SH3BP5: variants seen among roughly 807,000 people sequenced by gnomAD.
The protein encoded by SH3BP5 is SH3 domain-binding protein 5.
SH3BP5 carries 22 observed loss-of-function variants against 43.3 expected under a neutral mutation model. That is an observed-to-expected ratio of 0.51 (90% CI 0.36 to 0.73). The LOEUF is 0.73. Ranked by LOEUF, SH3BP5 falls within the 30% of genes least tolerant of loss-of-function variation. The probability of loss-of-function intolerance (pLI) is 0.00; values close to 1 mark genes in which losing one functional copy is unlikely to be tolerated. For synonymous variants in SH3BP5, 255 were observed against 225.8 expected, an observed-to-expected ratio of 1.13 and a Z score of -1.16; for missense variants, 529 against 586.9, an observed-to-expected ratio of 0.90 and a Z score of 1.02.
chr3:15,333,351 A>G, upstream of SH3BP5: 1 of 791,472 alleles, frequency 1.3e-6, no homozygotes, highest in Non-Finnish European at 1.5e-6. Context: ...TTGGCAAAGC[A>G]GATGAGCACA....
At position 15,288,115 on chromosome 3, in the gene SH3BP5, G is replaced by A. The variant is rs545500498; in HGVS notation, c.330+15988C>T. On this transcript the variant is annotated intron_variant, in intron 3 of 8. Transcript: ENST00000383791. ...ACATTGCAGTTCAAGACCAAAGGCC[G>A]TCTGCTGCAGAATTCCCTCTTGCTC... Among the ~76,000 whole-genome samples, 9 of 152,282 alleles carry A rather than the reference G, an allele frequency of 5.9e-5. No homozygotes were observed. In the South Asian group the frequency reaches 1.0e-3, roughly 18 times the overall value.
intron 3 of SH3BP5, among the ~76,000 whole-genome samples, chr3:15,271,183 G>A (rs1696787591): frequency 6.6e-6 from 1 of 151,982 alleles, no homozygotes; most frequent in Non-Finnish European, 1.5e-5. Flanking sequence ...TTCAAGACCA[G>A]CCTGGGAAAC....
At chr3:15,322,330 C>G (rs141320681) in intron 2 of SH3BP5, among the ~76,000 whole-genome samples, 3 of 152,158 alleles carry the variant, frequency 2.0e-5, no homozygotes, top group African/African-American at 7.2e-5. Context: ...TTTTCCCCCA[C>G]TAAGTAGACC....
upstream of SH3BP5, among the ~76,000 whole-genome samples, chr3:15,334,253 A>G (rs1247991540): frequency 6.6e-6 from 1 of 152,204 alleles, no homozygotes; most frequent in Admixed American, 6.5e-5. Flanking sequence ...GATCTGGGCC[A>G]GCTATAGTGT....
intron 2 of SH3BP5, among the ~76,000 whole-genome samples, chr3:15,316,219 C>CTTTTTTTTTTT (rs577644493): frequency 2.4e-5 from 2 of 81,686 alleles, no homozygotes; most frequent in African/African-American, 5.2e-5. Flanking sequence ...AAAAGACTCG[C>CTTTTTTTTTTT]TTTTTTTTTT....
intron 2 of SH3BP5, among the ~76,000 whole-genome samples, chr3:15,329,730 C>T (rs751281980): frequency 1.3e-5 from 2 of 152,222 alleles, no homozygotes; most frequent in Admixed American, 6.5e-5. Flanking sequence ...TGGGAAACTG[C>T]GCTGAGAGTC....
At chr3:15,315,542 T>C (rs1698164250) in intron 2 of SH3BP5, among the ~76,000 whole-genome samples, 2 of 151,426 alleles carry the variant, frequency 1.3e-5, no homozygotes, top group African/African-American at 4.9e-5. Context: ...AATATAAGGG[T>C]CATCATGGTT....
chr3:15,316,918 C>T (rs1421050396), intron 2 of SH3BP5, among the ~76,000 whole-genome samples: 1 of 152,198 alleles, frequency 6.6e-6, no homozygotes, highest in Non-Finnish European at 1.5e-5. Context: ...GACTGGGGGA[C>T]CCAGTGCTTT....
intron 3 of SH3BP5, among the ~76,000 whole-genome samples, chr3:15,279,684 T>C (rs974464748): frequency 5.3e-5 from 8 of 152,126 alleles, no homozygotes; most frequent in African/African-American, 1.9e-4. Context: ...CTATTTTGCA[T>C]ATATTTGAAA....
chr3:15,295,846 C>G (rs147401742), intron 3 of SH3BP5, among the ~76,000 whole-genome samples: 1 of 152,318 alleles, frequency 6.6e-6, no homozygotes, highest in Non-Finnish European at 1.5e-5. Context: ...ACAGCATCAT[C>G]ATGAGGCTAA....
intron 2 of SH3BP5, among the ~76,000 whole-genome samples, chr3:15,314,261 C>T (rs572796241): frequency 5.9e-5 from 9 of 151,904 alleles, no homozygotes; most frequent in Non-Finnish European, 7.4e-5. Flanking sequence ...TAAATAGCTG[C>T]GTGTGGCTAG....
Position 15,316,720 on chromosome 3 carries a change from C to T in SH3BP5, c.202-12489G>A, listed in dbSNP as rs1353432138. 1.2e-4 allele frequency among the ~76,000 whole-genome samples: 12 copies of T among 102,520 alleles called. 1 individual carries two copies. In the Admixed American group the frequency reaches 1.2e-3, roughly 11 times the overall value. 67.3% of individuals were successfully genotyped at this position (102,520 alleles called of 152,430 possible). On this transcript the variant is annotated intron_variant, in intron 2 of 8. Transcript: ENST00000383791. ...ATGATGTGGGCACATTACTCATCTGCTATGAAATGGAAAAAAAAAAAAGCC... is the reference window on the plus strand; with the variant it reads ...ATGATGTGGGCACATTACTCATCTGTTATGAAATGGAAAAAAAAAAAAGCC...
upstream of SH3BP5, among the ~76,000 whole-genome samples, chr3:15,334,301 A>G (rs1575361796): frequency 6.6e-6 from 1 of 152,230 alleles, no homozygotes; most frequent in African/African-American, 2.4e-5. Flanking sequence ...AATGAGAAAA[A>G]TAAATAAACC....
chr3:15,256,486 A>C, intron 8 of SH3BP5, 183 bp from the exon 9 acceptor site: 1 of 661,828 alleles, frequency 1.5e-6, no homozygotes. Context: ...AGAGGTTCTC[A>C]GTACATAATC....
chr3:15,289,393 A>C (rs896331682), intron 3 of SH3BP5, among the ~76,000 whole-genome samples: 1 of 152,140 alleles, frequency 6.6e-6, no homozygotes, highest in Non-Finnish European at 1.5e-5. Flanking sequence ...CCTGAAATGC[A>C]GATGTGATGG....
chr3:15,265,476 G>A (rs796119845), intron 4 of SH3BP5, among the ~76,000 whole-genome samples: 4 of 141,426 alleles, frequency 2.8e-5, no homozygotes, highest in African/African-American at 5.5e-5. Flanking sequence ...AGATCGCGCC[G>A]CTGCACTCCA....
Position 15,332,361 on chromosome 3 carries a change from G to A in SH3BP5, c.48C>T (p.Ile16=). 6 of 1,540,688 alleles carry A rather than the reference G, an allele frequency of 3.9e-6. No individual in the cohort carries two copies. Among genetic ancestry groups the A allele is most frequent in the Non-Finnish European group, 5.2e-6 (6 of 1,148,070 alleles). The change falls in exon 1 of 9, where the codon ATC becomes ATT. Residue 16 remains isoleucine, a synonymous_variant. Coordinates refer to ENST00000383791, the MANE Select transcript of SH3BP5 (RefSeq NM_004844.5). The part of the protein sequence containing the change: ...KRSRSEEPAE[I]LPPARDEEEE... ...CCTCCTCGTCCCGGGCAGGCGGCAG[G>A]ATTTCGGCTGGCTCCTCCGAGCGGC...
rs148273486 is a variant in SH3BP5, at chr3:15,332,151, T to C, written c.138+120A>G. 5.5e-6 allele frequency: 8 copies of C among 1,463,870 alleles called. No individual in the cohort carries two copies. In the African/African-American group the frequency reaches 1.1e-4, roughly 20 times the overall value. The allele number at this position is 1,463,870 out of a possible 1,614,324, so 90.7% of individuals were successfully genotyped here. On this transcript the variant is annotated intron_variant, in intron 1 of 8. Transcript: ENST00000383791. ...ATACAGACCGTCTCCTGCCACCCTA[T>C]GTGGCCGCCAGTCCCCGGACCACAG...
chr3:15,328,164 G>A (rs1015169405), intron 2 of SH3BP5, among the ~76,000 whole-genome samples: 16 of 152,048 alleles, frequency 1.1e-4, no homozygotes, highest in African/African-American at 3.9e-4. Context: ...CCTCCAGTTC[G>A]CCTCTCACAC....
Sources: gnomAD v4.1 joint callset for allele counts (sites outside exome capture counted in the v4.1 genomes callset) on GRCh38, gnomAD v4.1.1 for gene constraint, MANE v1.5 for transcripts, NCBI Gene and HGNC (gene_info 2026-07-23, HGNC 2026-07-21) for gene names.